USH2A: variants seen among roughly 807,000 people sequenced by gnomAD.
USH2A encodes usherin.
A neutral mutation model predicts 538.9 loss-of-function variants in USH2A; 443 were observed. The observed-to-expected ratio is 0.82, with a 90% CI of 0.76 to 0.89. The LOEUF is 0.89. Ranked by LOEUF, USH2A falls within the 40% of genes least tolerant of loss-of-function variation. The pLI, the probability that USH2A is intolerant of heterozygous loss-of-function variation, is 0.00. For synonymous variants in USH2A, 2,413 were observed against 2,273.5 expected (o/e 1.06, Z -1.75); for missense variants, 6,633 against 6,324.8 (o/e 1.05, Z -1.65).
chr1:215,728,606 C>CACACACAT (rs397973241), intron 60 of USH2A, among the ~76,000 whole-genome samples: 4 of 151,758 alleles, frequency 2.6e-5, no homozygotes, highest in Non-Finnish European at 2.9e-5. Context: ...CACACACACA[C>CACACACAT]GTATTTGACT....
intron 21 of USH2A, among the ~76,000 whole-genome samples, chr1:216,129,076 G>A (rs972724712): frequency 2.0e-5 from 3 of 151,904 alleles, no homozygotes; most frequent in Non-Finnish European, 1.5e-5. Flanking sequence ...TGCTGCAAAC[G>A]ACTGGATTTT....
chr1:216,208,874 G>T lies in USH2A; in HGVS notation c.3158-1443C>A, dbSNP rs188872651. On this transcript the variant is annotated intron_variant, in intron 15 of 71. Transcript: ENST00000307340. ...ATTATGAAAATATGTGTGATGTGTT[G>T]CCAATCAGGGAAGCTCCTTAGAAAC... Among the ~76,000 whole-genome samples the T allele has an allele frequency of 6.8e-4, 104 of 152,266 alleles. 1 individual carries two copies. Among genetic ancestry groups the T allele is most frequent in the African/African-American group, 2.4e-3 (99 of 41,560 alleles).
chr1:216,293,021 CTTTTTTT>C lies in USH2A; in HGVS notation c.1645-658_1645-652del, dbSNP rs1198460233. On this transcript the variant is annotated intron_variant, in intron 9 of 71. Coordinates refer to ENST00000307340, the MANE Select transcript of USH2A (RefSeq NM_206933.4). ...AACTTATCACACTGAACACAAGCAT[CTTTTTTT>C]TTTTTTTTTTTTTTGAGATGGAGTC... 3.2e-5 allele frequency among the ~76,000 whole-genome samples: 4 copies of C among 126,302 alleles called. No homozygotes were observed. In the East Asian group the frequency reaches 7.2e-4, roughly 23 times the overall value. 82.9% of individuals were successfully genotyped at this position (126,302 alleles called of 152,430 possible). A position where few individuals can be genotyped will look rare whatever the true frequency, so the allele number is the denominator to read the frequency against.
At chr1:216,255,610 C>A (rs1357878414) in intron 11 of USH2A, among the ~76,000 whole-genome samples, 2 of 151,882 alleles carry the variant, frequency 1.3e-5, no homozygotes, top group Non-Finnish European at 2.9e-5. Context: ...GATTTGAATT[C>A]TTTTAAATCT....
At chr1:215,689,968 A>G (rs1658549305) in intron 61 of USH2A, among the ~76,000 whole-genome samples, 1 of 152,244 alleles carries the variant, frequency 6.6e-6, no homozygotes, top group African/African-American at 2.4e-5. Context: ...TGTTATATAT[A>G]GCAGTAATAT....
At chr1:215,795,302 A>G (rs1662094790) in intron 50 of USH2A, among the ~76,000 whole-genome samples, 1 of 152,160 alleles carries the variant, frequency 6.6e-6, no homozygotes. Flanking sequence ...TTCCAATCCA[A>G]TGGAACAACC....
At chr1:215,912,778 G>C (rs1400664919) in intron 38 of USH2A, among the ~76,000 whole-genome samples, 1 of 151,912 alleles carries the variant, frequency 6.6e-6, no homozygotes, top group Non-Finnish European at 1.5e-5. Context: ...GTACCCAAAG[G>C]TTATTTTTTC....
intron 56 of USH2A, among the ~76,000 whole-genome samples, chr1:215,763,438 T>C (rs1364504794): frequency 1.3e-5 from 2 of 151,974 alleles, no homozygotes; most frequent in Non-Finnish European, 2.9e-5. Flanking sequence ...GAGCGTTAAC[T>C]GAGTGAGGAT....
At chr1:215,992,470 A>T (rs1034821810) in intron 35 of USH2A, among the ~76,000 whole-genome samples, 3 of 152,192 alleles carry the variant, frequency 2.0e-5, no homozygotes, top group Non-Finnish European at 4.4e-5. Context: ...AAATGCACAA[A>T]ACTTGCCTCC....
intron 35 of USH2A, among the ~76,000 whole-genome samples, chr1:215,975,187 T>C (rs1022893835): frequency 6.6e-6 from 1 of 152,190 alleles, no homozygotes; most frequent in Admixed American, 6.6e-5. Context: ...ATTTGTTTTT[T>C]ACTTGTTGAT....
In USH2A at chr1:215,842,851, A is replaced by C. The variant is rs149372763; in HGVS notation, c.9258+1443T>G. On this transcript the variant is annotated intron_variant, in intron 46 of 71. Coordinates refer to ENST00000307340, the MANE Select transcript of USH2A (RefSeq NM_206933.4). The stretch of plus-strand genomic sequence containing the variant: ...GGGAGATCATCAGAATAAATAGCTA[A>C]TAATACATGTACAGGTAAATACCTG... 9.8e-4 allele frequency among the ~76,000 whole-genome samples: 149 copies of C among 152,288 alleles called. 1 individual carries two copies. In the East Asian group the frequency reaches 0.012, roughly 12 times the overall value.
intron 61 of USH2A, among the ~76,000 whole-genome samples, chr1:215,714,280 T>C (rs1659421655): frequency 6.6e-6 from 1 of 152,060 alleles, no homozygotes; most frequent in Non-Finnish European, 1.5e-5. Context: ...AGAAGAGGAA[T>C]AGAAAGTGTG....
chr1:215,788,085 TC>T (rs1661855827), intron 51 of USH2A, among the ~76,000 whole-genome samples: 1 of 152,064 alleles, frequency 6.6e-6, no homozygotes, highest in African/African-American at 2.4e-5. Flanking sequence ...CTATCTATCC[TC>T]TAAAAGCCCA....
At chr1:216,276,855 T>A (rs1178445887) in intron 11 of USH2A, among the ~76,000 whole-genome samples, 2 of 151,990 alleles carry the variant, frequency 1.3e-5, no homozygotes, top group African/African-American at 4.8e-5. Flanking sequence ...GATTCAATCA[T>A]CTCCCACCAG....
At chr1:216,149,922 C>T (rs1336709431) in intron 21 of USH2A, among the ~76,000 whole-genome samples, 2 of 152,152 alleles carry the variant, frequency 1.3e-5, no homozygotes, top group Non-Finnish European at 1.5e-5. Flanking sequence ...CCAGCCTAAT[C>T]CCTCCTCTTC....
intron 47 of USH2A, among the ~76,000 whole-genome samples, chr1:215,825,327 A>T (rs1028991531): frequency 6.6e-5 from 10 of 152,186 alleles, no homozygotes; most frequent in African/African-American, 1.9e-4. Context: ...AGGATTACAG[A>T]TGCATTTCAC....
At chr1:216,188,822 C>T (rs2034658916) in intron 20 of USH2A, among the ~76,000 whole-genome samples, 1 of 151,930 alleles carries the variant, frequency 6.6e-6, no homozygotes, top group Non-Finnish European at 1.5e-5. Flanking sequence ...TCCAGTTTTG[C>T]ATGGCCACGT....
intron 4 of USH2A, among the ~76,000 whole-genome samples, chr1:216,357,708 G>A (rs889446846): frequency 5.9e-5 from 9 of 152,050 alleles, no homozygotes; most frequent in Non-Finnish European, 8.8e-5. Flanking sequence ...ACCTTTAATC[G>A]GCAACTAGAA....
chr1:215,997,733 G>C (rs747026703), intron 34 of USH2A, among the ~76,000 whole-genome samples: 6 of 151,998 alleles, frequency 3.9e-5, no homozygotes, highest in Non-Finnish European at 8.8e-5. Flanking sequence ...AAAAAATTAA[G>C]ACTCTTCCTA....
Sources: allele counts gnomAD v4.1 joint callset (sites outside exome capture counted in the v4.1 genomes callset), GRCh38; gene constraint gnomAD v4.1.1; transcripts MANE v1.5; gene names NCBI Gene and HGNC (gene_info 2026-07-23, HGNC 2026-07-21).